The following SLC9B1 variants were observed in gnomAD, a reference collection of about 807,000 sequenced individuals.
SLC9B1 encodes the protein solute carrier family 9 member B1, also known as sodium/hydrogen exchanger 9B1.
Under a neutral mutation model 51.7 loss-of-function variants are expected in SLC9B1, and 32 were observed. That is an observed-to-expected ratio of 0.62 (90% CI 0.47 to 0.83). The LOEUF (loss-of-function observed/expected upper bound fraction) is 0.83. Ranked by LOEUF, SLC9B1 falls within the 40% of genes least tolerant of loss-of-function variation. SLC9B1 has a pLI of 0.00. For missense variants in SLC9B1, 406 were observed against 613.2 expected, an observed-to-expected ratio of 0.66 and a Z score of 3.57; for synonymous variants, 145 against 212.7, an observed-to-expected ratio of 0.68 and a Z score of 2.77.
intron 1 of SLC9B1, among the ~76,000 whole-genome samples, chr4:103,010,182 A>G (rs1200433964): frequency 6.6e-6 from 1 of 152,192 alleles, no homozygotes; most frequent in African/African-American, 2.4e-5. Context: ...TGGATAATTT[A>G]TAATGAAAAA....
chr4:102,925,569 C>A (rs1432891208), intron 7 of SLC9B1, among the ~76,000 whole-genome samples: 1 of 151,768 alleles, frequency 6.6e-6, no homozygotes, highest in Non-Finnish European at 1.5e-5. Context: ...AAAACTATGA[C>A]ACTGTCCTAT....
intron 8 of SLC9B1, 53 bp downstream of exon 8, chr4:102,911,378 T>G (rs188974053): frequency 7.5e-7 from 1 of 1,330,514 alleles, no homozygotes; most frequent in East Asian, 2.5e-5. Context: ...AAGTTTAATA[T>G]TTTGAAAAAA....
chr4:102,902,590 C>A (rs1734841903), intron 11 of SLC9B1, among the ~76,000 whole-genome samples: 1 of 152,090 alleles, frequency 6.6e-6, no homozygotes, highest in African/African-American at 2.4e-5. Flanking sequence ...AATGGTGAAA[C>A]TAGAAATAAT....
intron 6 of SLC9B1, among the ~76,000 whole-genome samples, 169 bp downstream of exon 6, chr4:102,945,024 C>G (rs567178740): frequency 9.2e-5 from 14 of 152,208 alleles, no homozygotes; most frequent in African/African-American, 3.4e-4. Flanking sequence ...AAAAAAATTT[C>G]GTACAATTTG....
chr4:102,915,047 C>T (rs1735513667), intron 7 of SLC9B1, among the ~76,000 whole-genome samples: 1 of 151,602 alleles, frequency 6.6e-6, no homozygotes, highest in Non-Finnish European at 1.5e-5. Context: ...GTGGAATTCT[C>T]AGCAAAAACT....
At chr4:102,900,607 T>C (rs1482260860), downstream of SLC9B1, among the ~76,000 whole-genome samples, 1 of 152,172 alleles carries the variant, frequency 6.6e-6, no homozygotes, top group Non-Finnish European at 1.5e-5. Flanking sequence ...ACTCAGGTAG[T>C]CACCAAAACC....
At chr4:102,924,988 A>T (rs1461358652) in intron 7 of SLC9B1, among the ~76,000 whole-genome samples, 1 of 152,146 alleles carries the variant, frequency 6.6e-6, no homozygotes, top group East Asian at 1.9e-4. Flanking sequence ...ATTGTAGAAG[A>T]CAGTGTGGCG....
At chr4:102,918,646 G>A (rs1464780652) in intron 7 of SLC9B1, among the ~76,000 whole-genome samples, 1 of 152,160 alleles carries the variant, frequency 6.6e-6, no homozygotes, top group African/African-American at 2.4e-5. Flanking sequence ...TGGGACTAGG[G>A]CCTTTATAAA....
At chr4:102,936,912 T>C (rs1736750360) in intron 6 of SLC9B1, among the ~76,000 whole-genome samples, 1 of 152,052 alleles carries the variant, frequency 6.6e-6, no homozygotes, top group Admixed American at 6.5e-5. Flanking sequence ...CCCTGTGAGA[T>C]ACTACATAAG....
At chr4:102,970,269 A>G (rs1343768439) in intron 3 of SLC9B1, among the ~76,000 whole-genome samples, 1 of 152,238 alleles carries the variant, frequency 6.6e-6, no homozygotes, top group Non-Finnish European at 1.5e-5. Context: ...AGGGAAGCAC[A>G]TCAGACTAAC....
In SLC9B1 at chr4:102,905,584, C is replaced by T. The variant is rs201066131; in HGVS notation, c.1262G>A (p.Cys421Tyr). Residue 421 changes from cysteine (C) to tyrosine (Y), a missense_variant, in exon 11 of 12, where the codon TGC (cysteine) becomes TAC (tyrosine). By Grantham distance (194) the Cys-to-Tyr change is radical. Transcript: ENST00000296422. ...VRILTTYLLM[C>Y]FAGFSFKEKI... ...CTCCTTAAAACTAAAACCAGCAAAG[C>T]ACATCAATAGATATGTGGTTAAAAT... The T allele has an allele frequency of 1.9e-4, 306 of 1,611,110 alleles. No homozygotes were observed. Among genetic ancestry groups the T allele is most frequent in the Middle Eastern group, 4.5e-4 (2 of 4,448 alleles).
chr4:102,929,506 G>A (rs371695084), intron 7 of SLC9B1, among the ~76,000 whole-genome samples: 1 of 152,224 alleles, frequency 6.6e-6, no homozygotes, highest in Admixed American at 6.5e-5. Context: ...CATAGTAGCC[G>A]GCAAAAGGAA....
chr4:102,893,444 T>C (rs1452702660), intron 11 of SLC9B1, among the ~76,000 whole-genome samples: 2 of 152,152 alleles, frequency 1.3e-5, no homozygotes, highest in African/African-American at 4.8e-5. Flanking sequence ...TTTAAAATGT[T>C]AATAGACCAG....
intron 7 of SLC9B1, among the ~76,000 whole-genome samples, chr4:102,917,886 A>G (rs1486824407): frequency 2.0e-5 from 3 of 152,048 alleles, no homozygotes; most frequent in African/African-American, 7.2e-5. Flanking sequence ...CCTGAGCAAC[A>G]TGGAGAAACC....
chr4:102,887,228 A>G (rs1479691917), intron 11 of SLC9B1: 2 of 681,096 alleles, frequency 2.9e-6, no homozygotes, highest in Non-Finnish European at 5.3e-6. Flanking sequence ...CAGGAAAACG[A>G]TCTGATTTTT....
intron 6 of SLC9B1, among the ~76,000 whole-genome samples, chr4:102,936,123 G>C (rs1399213697): frequency 6.6e-6 from 1 of 152,208 alleles, no homozygotes; most frequent in Non-Finnish European, 1.5e-5. Flanking sequence ...TGCAAAGTTA[G>C]AGCATGCAGC....
intron 1 of SLC9B1, among the ~76,000 whole-genome samples, chr4:103,000,783 T>A (rs563079709): frequency 6.6e-6 from 1 of 152,166 alleles, no homozygotes; most frequent in Non-Finnish European, 1.5e-5. Flanking sequence ...TGGCATTGAG[T>A]GTCTGCCGAC....
At chr4:102,972,054 C>T (rs1738791132) in intron 3 of SLC9B1, among the ~76,000 whole-genome samples, 1 of 152,136 alleles carries the variant, frequency 6.6e-6, no homozygotes, top group Non-Finnish European at 1.5e-5. Flanking sequence ...CTGAATTCTA[C>T]CAGAGGTACA....
intron 3 of SLC9B1, among the ~76,000 whole-genome samples, chr4:102,986,376 C>T (rs954547189): frequency 6.6e-6 from 1 of 151,550 alleles, no homozygotes; most frequent in Non-Finnish European, 1.5e-5. Flanking sequence ...GGTAGTTTTA[C>T]CTCTGTCTTC....
Sources: allele counts gnomAD v4.1 joint callset (sites outside exome capture counted in the v4.1 genomes callset), GRCh38; gene constraint gnomAD v4.1.1; transcripts MANE v1.5; gene names NCBI Gene and HGNC (gene_info 2026-07-23, HGNC 2026-07-21).